The following STPG2 variants were observed in gnomAD, a reference collection of about 807,000 sequenced individuals.
STPG2 encodes the protein sperm tail PG-rich repeat containing 2.
Under a neutral mutation model 54.2 loss-of-function variants are expected in STPG2, and 56 were observed. The ratio of observed to expected loss-of-function variants is 1.03; its 90% CI spans 0.83 to 1.29. The LOEUF (loss-of-function observed/expected upper bound fraction) is 1.29. Ranked by LOEUF, STPG2 falls within the 50% of genes most tolerant of loss-of-function variation. The pLI is 0.00. For missense variants in STPG2, 596 were observed against 544.9 expected (o/e 1.09, Z -0.93); for synonymous variants, 200 against 181.8 (o/e 1.10, Z -0.81).
At chr4:98,071,503 G>A (rs1214057085) in intron 5 of STPG2, among the ~76,000 whole-genome samples, 2 of 152,082 alleles carry the variant, frequency 1.3e-5, no homozygotes, top group Admixed American at 1.3e-4. Flanking sequence ...CATAGGCACA[G>A]GCAAAGATTT....
chr4:97,720,702 C>T (rs1473843021), intron 9 of STPG2, among the ~76,000 whole-genome samples: 1 of 151,756 alleles, frequency 6.6e-6, no homozygotes, highest in Admixed American at 6.6e-5. Flanking sequence ...TTGTTTTACC[C>T]ATATATTTTA....
intron 10 of STPG2, among the ~76,000 whole-genome samples, chr4:97,667,880 A>G (rs1722575839): frequency 6.6e-6 from 1 of 152,198 alleles, no homozygotes. Context: ...GAAAGATACA[A>G]TGGCAAGATT....
chr4:97,996,294 T>C (rs1285908820), intron 5 of STPG2, among the ~76,000 whole-genome samples: 1 of 152,120 alleles, frequency 6.6e-6, no homozygotes, highest in East Asian at 1.9e-4. Context: ...GCTACACACC[T>C]ACTACCATCT....
In STPG2 at chr4:97,706,417, G is replaced by A. The variant is rs192235501; in HGVS notation, c.1320+6282C>T. On this transcript the variant is annotated intron_variant, in intron 10 of 10. Coordinates refer to ENST00000295268, the MANE Select transcript of STPG2 (RefSeq NM_174952.3). ...TGGAATTAGGCCCTTATAAAAGAGA[G>A]CTCCTTTGCCCTTCTGCCATGTGAG... Among the ~76,000 whole-genome samples, 748 of 152,264 alleles carry A rather than the reference G, an allele frequency of 4.9e-3. 3 individuals carry two copies. Among genetic ancestry groups the A allele is most frequent in the Middle Eastern group, 0.02 (6 of 294 alleles).
At chr4:97,555,074 TAATC>T (rs1732046888), downstream of STPG2, among the ~76,000 whole-genome samples, 1 of 152,186 alleles carries the variant, frequency 6.6e-6, no homozygotes. Context: ...TAGAGCCTCT[TAATC>T]AAAGGAGAAA....
chr4:97,533,619 T>C (rs1731464421), intron 4 of STPG2, among the ~76,000 whole-genome samples: 1 of 152,158 alleles, frequency 6.6e-6, no homozygotes, highest in African/African-American at 2.4e-5. Context: ...TCTGATATCA[T>C]GATTATTAGC....
chr4:98,045,919 AT>A (rs1430821288), intron 5 of STPG2, among the ~76,000 whole-genome samples: 2 of 152,094 alleles, frequency 1.3e-5, no homozygotes, highest in Non-Finnish European at 2.9e-5. Context: ...TTTTTCAGCC[AT>A]TATTTCTTTG....
At chr4:97,614,077 G>A (rs908917714) in intron 10 of STPG2, among the ~76,000 whole-genome samples, 1 of 151,808 alleles carries the variant, frequency 6.6e-6, no homozygotes, top group Admixed American at 6.6e-5. Context: ...TATACCAGGG[G>A]ATTTCAAAAA....
intron 10 of STPG2, among the ~76,000 whole-genome samples, chr4:97,656,748 GGAAA>G (rs1403233907): frequency 6.7e-6 from 1 of 150,114 alleles, no homozygotes; most frequent in African/African-American, 2.5e-5. Flanking sequence ...TTAGTTTTAT[GGAAA>G]TATTTAATGA....
rs1454799350 is a variant in STPG2 at position 97,943,919 on chromosome 4, C to A, written c.1022G>T (p.Arg341Ile). 6.3e-7 allele frequency: 1 copy of A among 1,585,660 alleles called. No individual in the cohort carries two copies. Among genetic ancestry groups the A allele is most frequent in the Admixed American group, 1.9e-5 (1 of 52,730 alleles). ...KYAAFLSRAK[R>I]TMKVPDMVIP... ...TACCATATCTGGTACTTTCATAGTT[C>A]TTTTGGCTCTTGACAAGAAAGCAGC... Residue 341 changes from arginine to isoleucine, a missense_variant, in exon 8 of 11, where the codon AGA becomes ATA. Coordinates refer to ENST00000295268, the MANE Select transcript of STPG2 (RefSeq NM_174952.3).
chr4:98,066,727 C>T (rs1261509650), intron 5 of STPG2, among the ~76,000 whole-genome samples: 1 of 152,122 alleles, frequency 6.6e-6, no homozygotes, highest in Non-Finnish European at 1.5e-5. Flanking sequence ...TCTACCAGAG[C>T]AACTACTGTT....
At chr4:97,762,520 C>T (rs913771907) in intron 9 of STPG2, among the ~76,000 whole-genome samples, 6 of 152,190 alleles carry the variant, frequency 3.9e-5, no homozygotes, top group Non-Finnish European at 5.9e-5. Flanking sequence ...TAGAGATGTG[C>T]GCACCATTAA....
chr4:97,459,863 T>A (rs151183424), intron 4 of STPG2, among the ~76,000 whole-genome samples: 1 of 152,192 alleles, frequency 6.6e-6, no homozygotes, highest in Non-Finnish European at 1.5e-5. Context: ...CCGAGTTTAT[T>A]TGCATAAACT....
At chr4:97,707,262 G>A (rs1030325587) in intron 10 of STPG2, among the ~76,000 whole-genome samples, 10 of 152,114 alleles carry the variant, frequency 6.6e-5, no homozygotes, top group African/African-American at 1.2e-4. Context: ...GTGGCTTAAC[G>A]CCTATAATCT....
At chr4:97,641,445 C>A (rs184300033) in intron 10 of STPG2, among the ~76,000 whole-genome samples, 32 of 151,428 alleles carry the variant, frequency 2.1e-4, no homozygotes, top group African/African-American at 7.2e-4. Context: ...TATAAACATA[C>A]CCACACAGAC....
chr4:97,663,597 A>G (rs1303499331), intron 10 of STPG2, among the ~76,000 whole-genome samples: 1 of 152,212 alleles, frequency 6.6e-6, no homozygotes, highest in Non-Finnish European at 1.5e-5. Flanking sequence ...TGAAAATAAC[A>G]TATAGAAAAG....
chr4:97,503,713 A>T (rs561651622), intron 4 of STPG2, among the ~76,000 whole-genome samples: 1 of 150,692 alleles, frequency 6.6e-6, no homozygotes, highest in African/African-American at 2.4e-5. Flanking sequence ...AATCCACTAC[A>T]TGGAAATAAC....
chr4:97,463,162 TCAAG>T (rs1729706605), intron 4 of STPG2, among the ~76,000 whole-genome samples: 1 of 152,172 alleles, frequency 6.6e-6, no homozygotes, highest in South Asian at 2.1e-4. Flanking sequence ...TATCCAGCTT[TCAAG>T]CAGTCTTTTA....
At chr4:97,451,549 A>T (rs1473241468) in intron 4 of STPG2, among the ~76,000 whole-genome samples, 1 of 152,182 alleles carries the variant, frequency 6.6e-6, no homozygotes, top group Non-Finnish European at 1.5e-5. Flanking sequence ...AACTATTTAA[A>T]GACAACAGGG....
Sources: allele counts gnomAD v4.1 joint callset (sites outside exome capture counted in the v4.1 genomes callset), GRCh38; gene constraint gnomAD v4.1.1; transcripts MANE v1.5; gene names NCBI Gene and HGNC (gene_info 2026-07-23, HGNC 2026-07-21).